Variants in KCNH1 observed in about 807,000 individuals in gnomAD.
KCNH1 encodes the protein voltage-gated delayed rectifier potassium channel KCNH1.
A neutral mutation model predicts 69.2 loss-of-function variants in KCNH1; 27 were observed. The ratio of observed to expected loss-of-function variants is 0.39; its 90% CI spans 0.29 to 0.54. The LOEUF is 0.54. KCNH1 is among the 20% of genes least tolerant of loss of function. KCNH1 has a pLI of 0.68. For missense variants in KCNH1, 798 were observed against 1,261.6 expected (o/e 0.63, Z 5.57); for synonymous variants, 456 against 487.7 (o/e 0.93, Z 0.86).
chr1:210,703,900 T>C (rs772575880), intron 10 of KCNH1, among the ~76,000 whole-genome samples: 1 of 152,178 alleles, frequency 6.6e-6, no homozygotes, highest in Non-Finnish European at 1.5e-5. Flanking sequence ...AAGGAACAGC[T>C]AGAATTCAGG....
intron 10 of KCNH1, among the ~76,000 whole-genome samples, chr1:210,774,875 C>G (rs2102370854): frequency 6.6e-6 from 1 of 152,330 alleles, no homozygotes; most frequent in South Asian, 2.1e-4. Context: ...CTCTTATTCT[C>G]TGGACCCAAC....
intron 5 of KCNH1, among the ~76,000 whole-genome samples, chr1:211,023,163 T>A (rs899702774): frequency 1.1e-4 from 10 of 94,926 alleles, no homozygotes; most frequent in Admixed American, 2.5e-4. Context: ...AATAAATAAA[T>A]TAAAAATGCT....
intron 5 of KCNH1, among the ~76,000 whole-genome samples, chr1:211,020,493 A>T (rs1689569545): frequency 1.6e-5 from 1 of 63,382 alleles, no homozygotes; most frequent in African/African-American, 6.1e-5. Context: ...ATCAGTAATA[A>T]AAAAAAAAAT....
intron 7 of KCNH1, among the ~76,000 whole-genome samples, chr1:210,882,247 G>A (rs1319757618): frequency 6.6e-6 from 1 of 152,088 alleles, no homozygotes; most frequent in Non-Finnish European, 1.5e-5. Context: ...GGTGCCCAAA[G>A]TAAGTGGTTT....
chr1:210,802,434 A>C (rs1398912921), intron 8 of KCNH1, among the ~76,000 whole-genome samples: 1 of 152,222 alleles, frequency 6.6e-6, no homozygotes, highest in Non-Finnish European at 1.5e-5. Flanking sequence ...AAGAATCAGT[A>C]TGCCTTGAGT....
At chr1:210,955,252 T>C (rs1312526174) in intron 6 of KCNH1, among the ~76,000 whole-genome samples, 2 of 152,200 alleles carry the variant, frequency 1.3e-5, no homozygotes, top group Non-Finnish European at 2.9e-5. Context: ...TTCTGTTCTA[T>C]TAGTCTGTAT....
chr1:210,917,785 A>G (rs1483077619), intron 7 of KCNH1, among the ~76,000 whole-genome samples: 1 of 152,218 alleles, frequency 6.6e-6, no homozygotes, highest in Non-Finnish European at 1.5e-5. Flanking sequence ...GGCTCACAAA[A>G]ATGCTGTAAG....
chr1:211,043,460 C>CA (rs918830614), intron 5 of KCNH1, among the ~76,000 whole-genome samples: 2 of 151,796 alleles, frequency 1.3e-5, no homozygotes, highest in Non-Finnish European at 2.9e-5. Flanking sequence ...GAAATGGTAA[C>CA]AAAAAAATTA....
At chr1:210,882,689 G>T (rs902647218) in intron 7 of KCNH1, among the ~76,000 whole-genome samples, 2 of 152,160 alleles carry the variant, frequency 1.3e-5, no homozygotes, top group African/African-American at 2.4e-5. Context: ...GAGGAAGAAA[G>T]CACAAACATA....
intron 3 of KCNH1, among the ~76,000 whole-genome samples, chr1:211,101,199 A>T (rs564392946): frequency 1.3e-5 from 2 of 152,270 alleles, no homozygotes; most frequent in Admixed American, 6.5e-5. Flanking sequence ...TCCCCTACAG[A>T]TGCTGTAAGA....
At chr1:210,743,192 T>C (rs1683075917) in intron 10 of KCNH1, among the ~76,000 whole-genome samples, 1 of 97,562 alleles carries the variant, frequency 1.0e-5, no homozygotes, top group South Asian at 3.9e-4. Context: ...AGCTGTCCTT[T>C]CCTAGTAGGT....
At chr1:210,881,151 C>T (rs1419044100) in intron 7 of KCNH1, among the ~76,000 whole-genome samples, 1 of 152,030 alleles carries the variant, frequency 6.6e-6, no homozygotes, top group Non-Finnish European at 1.5e-5. Flanking sequence ...CCAAGGCATG[C>T]TCCATCATTC....
chr1:210,931,286 T>C (rs543764879), intron 6 of KCNH1, among the ~76,000 whole-genome samples: 1 of 152,078 alleles, frequency 6.6e-6, no homozygotes, highest in South Asian at 2.1e-4. Flanking sequence ...AATCAACAAG[T>C]GGATAAAGAA....
intron 3 of KCNH1, among the ~76,000 whole-genome samples, chr1:211,100,987 G>A (rs1283868781): frequency 6.6e-6 from 1 of 152,210 alleles, no homozygotes; most frequent in South Asian, 2.1e-4. Context: ...TCTCTCCGCT[G>A]CAGCCCTTTT....
chr1:210,999,014 G>A (rs1689110907), intron 6 of KCNH1, among the ~76,000 whole-genome samples: 1 of 152,184 alleles, frequency 6.6e-6, no homozygotes, highest in South Asian at 2.1e-4. Context: ...ATTCAAAGCA[G>A]TGTGTAGAGG....
At chr1:210,810,203 T>C (rs935520506) in intron 7 of KCNH1, among the ~76,000 whole-genome samples, 1 of 152,212 alleles carries the variant, frequency 6.6e-6, no homozygotes, top group Non-Finnish European at 1.5e-5. Flanking sequence ...AATTCTAAAG[T>C]GGAAATCATT....
chr1:210,976,884 GGAAGTCAGTGT>G (rs1054443883), intron 6 of KCNH1, among the ~76,000 whole-genome samples: 1 of 146,568 alleles, frequency 6.8e-6, no homozygotes, highest in African/African-American at 2.5e-5. Context: ...CAACCATTGT[GGAAGTCAGTGT>G]GGCGAGTCCT....
chr1:210,881,894 T>C (rs1229951788), intron 7 of KCNH1, among the ~76,000 whole-genome samples: 7 of 152,154 alleles, frequency 4.6e-5, no homozygotes, highest in Non-Finnish European at 1.5e-5. Flanking sequence ...GAGGGATGAA[T>C]AGGCAGAGCA....
intron 4 of KCNH1, 95 bp downstream of exon 4, chr1:211,090,467 A>G: frequency 2.7e-6 from 3 of 1,090,962 alleles, no homozygotes; most frequent in Non-Finnish European, 2.6e-6. Context: ...AGGTTTGTAA[A>G]GTGATTGCCT....
Sources: gnomAD v4.1 joint callset for allele counts (sites outside exome capture counted in the v4.1 genomes callset) on GRCh38, gnomAD v4.1.1 for gene constraint, MANE v1.5 for transcripts, NCBI Gene and HGNC (gene_info 2026-07-23, HGNC 2026-07-21) for gene names.